Variants in PCLO observed in about 807,000 individuals in gnomAD.
The protein encoded by PCLO is piccolo presynaptic cytomatrix protein, also known as protein piccolo.
In PCLO, 82 loss-of-function variants were observed where a neutral mutation model predicts 427.5. That is an observed-to-expected ratio of 0.19 (90% CI 0.16 to 0.23). The LOEUF (loss-of-function observed/expected upper bound fraction) is 0.23, where lower values mean the gene tolerates loss of function less well. Among genes scored for constraint, PCLO ranks in the 10% least tolerant of loss-of-function variants. The pLI, the probability that PCLO is intolerant of heterozygous loss-of-function variation, is 1.00. For synonymous variants in PCLO, 2,357 were observed against 2,155.4 expected (o/e 1.09, Z -2.59); for missense variants, 6,239 against 6,115.9 (o/e 1.02, Z -0.67).
intron 3 of PCLO, among the ~76,000 whole-genome samples, chr7:83,107,710 A>AG (rs1554398472): frequency 3.7e-5 from 1 of 26,890 alleles, no homozygotes; most frequent in Non-Finnish European, 7.3e-5. Flanking sequence ...ATAAGAAGAG[A>AG]ATATGTGCGG....
At chr7:82,925,983 T>G (rs1794704052) in intron 6 of PCLO, among the ~76,000 whole-genome samples, 1 of 151,960 alleles carries the variant, frequency 6.6e-6, no homozygotes, top group Non-Finnish European at 1.5e-5. Context: ...CTGCCCCAAT[T>G]GTTGGGATTA....
At chr7:83,007,704 T>C (rs555539085) in intron 3 of PCLO, among the ~76,000 whole-genome samples, 1 of 151,598 alleles carries the variant, frequency 6.6e-6, no homozygotes, top group Non-Finnish European at 1.5e-5. Context: ...AGAGTCAGAC[T>C]GCCTGGGTTT....
At chr7:82,973,049 T>C in intron 3 of PCLO, among the ~76,000 whole-genome samples, 1 of 152,032 alleles carries the variant, frequency 6.6e-6, no homozygotes, top group East Asian at 1.9e-4. Flanking sequence ...TCATTCCCTT[T>C]ATGACATCTA....
At chr7:82,971,206 T>C (rs1795895068) in intron 3 of PCLO, among the ~76,000 whole-genome samples, 1 of 151,798 alleles carries the variant, frequency 6.6e-6, no homozygotes, top group Non-Finnish European at 1.5e-5. Flanking sequence ...ACGTAACAAC[T>C]CAATGTATCA....
At chr7:82,983,636 T>C (rs1285451214) in intron 3 of PCLO, among the ~76,000 whole-genome samples, 1 of 149,740 alleles carries the variant, frequency 6.7e-6, no homozygotes, top group Non-Finnish European at 1.5e-5. Context: ...TATATGTATA[T>C]ATTATATAGT....
intron 2 of PCLO, among the ~76,000 whole-genome samples, chr7:83,151,190 T>C (rs892111900): frequency 2.6e-5 from 4 of 152,192 alleles, no homozygotes; most frequent in Non-Finnish European, 4.4e-5. Context: ...GATTGCGTTT[T>C]TTCTTATAGG....
At chr7:83,063,069 CT>C (rs1789578979) in intron 3 of PCLO, among the ~76,000 whole-genome samples, 1 of 151,926 alleles carries the variant, frequency 6.6e-6, no homozygotes, top group South Asian at 2.1e-4. Context: ...TTATCTAAGC[CT>C]TGTAACAATC....
At chr7:82,863,349 T>G (rs1793011712) in intron 10 of PCLO, among the ~76,000 whole-genome samples, 2 of 151,976 alleles carry the variant, frequency 1.3e-5, no homozygotes, top group Non-Finnish European at 2.9e-5. Context: ...TTTATCATCC[T>G]GAGAGAATCT....
chr7:82,874,933 G>T (rs1793334197), intron 10 of PCLO, among the ~76,000 whole-genome samples: 2 of 152,224 alleles, frequency 1.3e-5, no homozygotes, highest in East Asian at 1.9e-4. Context: ...TCAAAAAATT[G>T]TTAAAATTGT....
chr7:82,914,239 T>G, intron 7 of PCLO: 1 of 294,652 alleles, frequency 3.4e-6, no homozygotes, highest in East Asian at 5.9e-5. Context: ...AATGATTTTC[T>G]ATTACAAAGT....
chr7:82,957,266 T>C (rs995785061), intron 4 of PCLO, among the ~76,000 whole-genome samples: 60 of 152,204 alleles, frequency 3.9e-4, no homozygotes, highest in African/African-American at 1.4e-3. Context: ...ATAAAGTTTA[T>C]AAATTGTGAT....
At chr7:83,144,728 A>C (rs1229064046) in intron 2 of PCLO, among the ~76,000 whole-genome samples, 3 of 152,172 alleles carry the variant, frequency 2.0e-5, no homozygotes, top group Admixed American at 2.0e-4. Flanking sequence ...ACCCATTTAC[A>C]GGATAGATTA....
Position 82,949,770 on chromosome 7 carries a change from T to C in PCLO, c.10818A>G (p.Ala3606=), listed in dbSNP as rs1795289047. ...LEIGYSSHLR[A]DSTVQLAPSP... ...AAGGAGCCAGCTGTACTGTGGAATC[T>C]GCCCGGAGGTGAGATGAATAACCAA... Residue 3606 remains alanine (A), a synonymous_variant, in exon 6 of 25, where the codon GCA becomes GCG. Coordinates refer to ENST00000333891, the MANE Select transcript of PCLO (RefSeq NM_033026.6). The C allele has an allele frequency of 3.7e-6, 6 of 1,613,870 alleles. No homozygotes were observed. The highest frequency in any genetic ancestry group is 5.1e-6 in the Non-Finnish European group (6 of 1,179,864).
chr7:82,950,473 C>A lies in PCLO; in HGVS notation c.10115G>T (p.Gly3372Val), dbSNP rs777865060. Reference sequence around the variant, plus strand: ...ACCATCAGACTGAACGGTGTACCATCCTTGGCTTTGTGGTATTTCAATTGC... The same window carrying A: ...ACCATCAGACTGAACGGTGTACCATACTTGGCTTTGTGGTATTTCAATTGC... ...VVAIEIPQSQGWYTVQSDGVT... is the reference protein window; with the variant it reads ...VVAIEIPQSQVWYTVQSDGVT... Residue 3372 changes from glycine (G) to valine (V), a missense_variant, in exon 6 of 25, where the codon GGA becomes GTA. Gly to Val is a moderately radical substitution (Grantham distance 109). Transcript: ENST00000333891. 6.2e-6 allele frequency: 10 copies of A among 1,613,580 alleles called. No homozygotes were observed. The highest frequency in any genetic ancestry group is 1.1e-5 in the South Asian group (1 of 91,076).
chr7:82,925,713 C>CTTTTTTTTT (rs34017885), intron 6 of PCLO, among the ~76,000 whole-genome samples: 5 of 78,984 alleles, frequency 6.3e-5, no homozygotes, highest in African/African-American at 1.9e-4. Context: ...ATTTTTGTTG[C>CTTTTTTTTT]TTTTTTTTTT....
At chr7:83,103,460 C>G (rs575581181) in intron 3 of PCLO, among the ~76,000 whole-genome samples, 3 of 151,958 alleles carry the variant, frequency 2.0e-5, no homozygotes, top group African/African-American at 7.2e-5. Context: ...AGCAAGCAGC[C>G]AACCTCATTC....
In PCLO at chr7:83,051,271, T is replaced by A. The variant is rs187458865; in HGVS notation, c.3300+82979A>T. 9.7e-4 allele frequency among the ~76,000 whole-genome samples: 143 copies of A among 147,154 alleles called. 1 individual carries two copies. The highest frequency in any genetic ancestry group is 3.0e-3 in the African/African-American group (126 of 41,418). On this transcript the variant is annotated intron_variant, in intron 3 of 24. Coordinates refer to ENST00000333891, the MANE Select transcript of PCLO (RefSeq NM_033026.6). ...TTGGGAAGAAAGAGACAAAACTGAT[T>A]GTTCACAGATGACATGATGTTCTAT...
At chr7:82,984,420 G>GTA (rs200801655) in intron 3 of PCLO, among the ~76,000 whole-genome samples, 13 of 150,356 alleles carry the variant, frequency 8.6e-5, no homozygotes, top group African/African-American at 3.2e-4. Context: ...GTGTGTGTGT[G>GTA]TGTGTGTGTG....
intron 3 of PCLO, among the ~76,000 whole-genome samples, chr7:83,065,890 G>A (rs1789659214): frequency 6.6e-6 from 1 of 152,048 alleles, no homozygotes; most frequent in Admixed American, 6.6e-5. Flanking sequence ...TAACAATGGG[G>A]AACAAACGTT....
Sources: gnomAD v4.1 joint callset for allele counts (sites outside exome capture counted in the v4.1 genomes callset) on GRCh38, gnomAD v4.1.1 for gene constraint, MANE v1.5 for transcripts, NCBI Gene and HGNC (gene_info 2026-07-23, HGNC 2026-07-21) for gene names.